Variants in CDC42SE2 observed in about 807,000 individuals in gnomAD.
The protein encoded by CDC42SE2 is CDC42 small effector 2, also known as CDC42 small effector protein 2.
In CDC42SE2, 3 loss-of-function variants were observed where a neutral mutation model predicts 11.5. The ratio of observed to expected loss-of-function variants is 0.26; its 90% CI spans 0.12 to 0.67. The LOEUF is 0.67. Among genes scored for constraint, CDC42SE2 ranks in the 30% least tolerant of loss-of-function variants. CDC42SE2 has a pLI of 0.80. For synonymous variants in CDC42SE2, 33 were observed against 34.8 expected, an observed-to-expected ratio of 0.95 and a Z score of 0.18; for missense variants, 82 against 106.8, an observed-to-expected ratio of 0.77 and a Z score of 1.02.
At chr5:131,320,391 C>T (rs1448884864) in intron 2 of CDC42SE2, among the ~76,000 whole-genome samples, 1 of 146,600 alleles carries the variant, frequency 6.8e-6, no homozygotes, top group African/African-American at 2.5e-5. Flanking sequence ...GACTCTGTCT[C>T]AAAAAATAAG....
intron 1 of CDC42SE2, among the ~76,000 whole-genome samples, chr5:131,304,922 A>C (rs1270403948): frequency 2.0e-5 from 3 of 152,292 alleles, no homozygotes; most frequent in African/African-American, 7.2e-5. Context: ...CAGCTTGATA[A>C]ATTTTGGCAT....
At chr5:131,217,493 T>G in the CDC42SE2 span, among the ~76,000 whole-genome samples, 22 of 152,362 alleles carry the variant, frequency 1.4e-4, no homozygotes, top group Non-Finnish European at 1.8e-4. Context: ...AGAAAAGTTA[T>G]CTTTTCAACA....
At chr5:131,381,622 C>T (rs1750330631) in intron 3 of CDC42SE2, among the ~76,000 whole-genome samples, 1 of 152,188 alleles carries the variant, frequency 6.6e-6, no homozygotes, top group African/African-American at 2.4e-5. Flanking sequence ...CACATCCGGC[C>T]CAAATGCTGT....
rs1354205733 is a variant in CDC42SE2 at position 131,394,031 on chromosome 5, A to AAGAT, written c.*2942_*2945dup. 1 of 152,330 alleles carries AAGAT rather than the reference A, an allele frequency of 6.6e-6. No individual in the cohort carries two copies. Among genetic ancestry groups the AAGAT allele is most frequent in the African/African-American group, 2.4e-5 (1 of 41,450 alleles). The allele number at this position is 152,330 out of a possible 1,614,324, so 9.4% of individuals were successfully genotyped here. ...TCAAGAAATAAGAAAACTACAAAAAAAGATACGGTATTAACCTTGGACATA... is the reference window on the plus strand; with the variant it reads ...TCAAGAAATAAGAAAACTACAAAAAAAGATAGATACGGTATTAACCTTGGACATA... On this transcript the variant is annotated 3_prime_UTR_variant, in exon 5 of 5. Coordinates refer to ENST00000505065, the MANE Select transcript of CDC42SE2 (RefSeq NM_001375635.1).
chr5:131,375,153 C>T (rs1483380290), intron 3 of CDC42SE2, among the ~76,000 whole-genome samples: 1 of 151,496 alleles, frequency 6.6e-6, no homozygotes, highest in African/African-American at 2.4e-5. Context: ...AGGTTTCTCA[C>T]TGAGAGATGA....
intron 1 of CDC42SE2, among the ~76,000 whole-genome samples, chr5:131,291,480 TGTTTA>T (rs1337303455): frequency 6.6e-6 from 1 of 152,188 alleles, no homozygotes; most frequent in Non-Finnish European, 1.5e-5. Context: ...ATCTTTATTT[TGTTTA>T]GTTACTCTTT....
the CDC42SE2 span, among the ~76,000 whole-genome samples, chr5:131,225,171 A>G: frequency 6.6e-6 from 1 of 152,356 alleles, no homozygotes; most frequent in South Asian, 2.1e-4. Flanking sequence ...CATTACACAC[A>G]GTGGCTTCTC....
At chr5:131,317,544 G>A (rs1344055407) in intron 2 of CDC42SE2, among the ~76,000 whole-genome samples, 3 of 151,846 alleles carry the variant, frequency 2.0e-5, no homozygotes, top group South Asian at 2.1e-4. Flanking sequence ...GAAGTTTGGC[G>A]GTGATGTAGT....
chr5:131,239,851 C>T, the CDC42SE2 span, among the ~76,000 whole-genome samples: 2 of 152,200 alleles, frequency 1.3e-5, no homozygotes, highest in African/African-American at 2.4e-5. Context: ...CAGCTTAGAG[C>T]GAGCTTCCTT....
intron 1 of CDC42SE2, among the ~76,000 whole-genome samples, chr5:131,273,833 A>G (rs112694676): frequency 0.038 from 5,713 of 151,716 alleles, 162 homozygotes; most frequent in Non-Finnish European, 0.06. Context: ...GCTGGAGTAC[A>G]GTGGCGTGAT....
At chr5:131,249,310 G>A (rs946148715) in intron 1 of CDC42SE2, among the ~76,000 whole-genome samples, 6 of 151,436 alleles carry the variant, frequency 4.0e-5, no homozygotes, top group East Asian at 1.9e-4. Flanking sequence ...GAGCCACCAC[G>A]ACCGGCCAGG....
intron 2 of CDC42SE2, among the ~76,000 whole-genome samples, chr5:131,346,260 C>G (rs1301236397): frequency 6.6e-6 from 1 of 152,050 alleles, no homozygotes; most frequent in Non-Finnish European, 1.5e-5. Context: ...GGAGACCCAT[C>G]TCAAGTGCAG....
intron 1 of CDC42SE2, among the ~76,000 whole-genome samples, chr5:131,302,410 C>T (rs1757703064): frequency 6.6e-6 from 1 of 152,182 alleles, no homozygotes. Flanking sequence ...AACTCCCGAC[C>T]TCGGGTGATC....
chr5:131,356,904 T>A (rs1359374376), intron 2 of CDC42SE2, among the ~76,000 whole-genome samples: 1 of 152,150 alleles, frequency 6.6e-6, no homozygotes, highest in Admixed American at 6.5e-5. Context: ...TGAGACCCTA[T>A]CTGAAAAAAA....
At chr5:131,267,199 T>C (rs1756886419) in intron 1 of CDC42SE2, among the ~76,000 whole-genome samples, 1 of 151,664 alleles carries the variant, frequency 6.6e-6, no homozygotes. Context: ...GGACTACAGG[T>C]GTGTGCCACC....
the CDC42SE2 span, among the ~76,000 whole-genome samples, chr5:131,212,131 G>A: frequency 2.7e-4 from 41 of 151,602 alleles, no homozygotes; most frequent in Non-Finnish European, 4.7e-4. Flanking sequence ...GTTTTGAGAC[G>A]GAGTGTCACT....
chr5:131,379,092 C>G (rs1750240278), intron 3 of CDC42SE2, among the ~76,000 whole-genome samples: 3 of 152,208 alleles, frequency 2.0e-5, no homozygotes. Flanking sequence ...AACTGACTTT[C>G]TCTAGGTCAT....
chr5:131,376,521 AG>A (rs1378400924), intron 3 of CDC42SE2, among the ~76,000 whole-genome samples: 2 of 152,060 alleles, frequency 1.3e-5, no homozygotes, highest in Non-Finnish European at 2.9e-5. Context: ...TTTGAGGTTC[AG>A]GGGGTACATG....
the CDC42SE2 span, among the ~76,000 whole-genome samples, chr5:131,226,235 T>C: frequency 6.6e-6 from 1 of 152,244 alleles, no homozygotes; most frequent in Non-Finnish European, 1.5e-5. Context: ...CTGAATTAGG[T>C]GGACAGTCTA....
Sources: allele counts gnomAD v4.1 joint callset (sites outside exome capture counted in the v4.1 genomes callset), GRCh38; gene constraint gnomAD v4.1.1; transcripts MANE v1.5; gene names NCBI Gene and HGNC (gene_info 2026-07-23, HGNC 2026-07-21).